The following TTC39B variants were observed in gnomAD, a reference collection of about 807,000 sequenced individuals.
TTC39B encodes the protein tetratricopeptide repeat protein 39B.
Under a neutral mutation model 96.6 loss-of-function variants are expected in TTC39B, and 92 were observed. The ratio of observed to expected loss-of-function variants is 0.95; its 90% CI spans 0.80 to 1.13. The LOEUF (loss-of-function observed/expected upper bound fraction) is 1.13. Ranked by LOEUF, TTC39B falls within the 50% of genes most tolerant of loss-of-function variation. The probability of loss-of-function intolerance (pLI) is 0.00; values close to 1 mark genes in which losing one functional copy is unlikely to be tolerated. For synonymous variants in TTC39B, 367 were observed against 299.4 expected (o/e 1.23, Z -2.33); for missense variants, 955 against 809.3 (o/e 1.18, Z -2.18).
intron 9 of TTC39B, 24 bp from the exon 10 acceptor site, chr9:15,191,279 T>C (rs1818843900): frequency 6.5e-7 from 1 of 1,534,362 alleles, no homozygotes; most frequent in Non-Finnish European, 8.9e-7. Flanking sequence ...ATATACAGTG[T>C]ACTTATGTGT....
At chr9:15,259,421 G>A (rs1255575623) in intron 2 of TTC39B, among the ~76,000 whole-genome samples, 1 of 152,152 alleles carries the variant, frequency 6.6e-6, no homozygotes, top group Non-Finnish European at 1.5e-5. Context: ...GTTAAACATA[G>A]GTTCACCATG....
At chr9:15,235,605 C>G (rs1311418210) in intron 2 of TTC39B, among the ~76,000 whole-genome samples, 1 of 152,128 alleles carries the variant, frequency 6.6e-6, no homozygotes, top group African/African-American at 2.4e-5. Context: ...ATCAGACTAA[C>G]AGCAAACTTC....
intron 2 of TTC39B, among the ~76,000 whole-genome samples, chr9:15,257,426 T>C (rs997826226): frequency 1.3e-5 from 2 of 152,100 alleles, no homozygotes; most frequent in African/African-American, 4.8e-5. Flanking sequence ...CTTTACTTTC[T>C]GTAGATGTTC....
intron 2 of TTC39B, among the ~76,000 whole-genome samples, chr9:15,264,049 AGT>A (rs1314456434): frequency 6.6e-6 from 1 of 152,222 alleles, no homozygotes; most frequent in Non-Finnish European, 1.5e-5. Flanking sequence ...GCCACAGAGA[AGT>A]TCTGGAGGCA....
chr9:15,292,982 T>C (rs991654516), intron 1 of TTC39B, among the ~76,000 whole-genome samples: 13 of 152,222 alleles, frequency 8.5e-5, no homozygotes, highest in African/African-American at 2.9e-4. Flanking sequence ...TGTGTAATAA[T>C]GTCCTAGGCC....
chr9:15,192,298 T>G lies in TTC39B; in HGVS notation c.930+292A>C, dbSNP rs539317433. On this transcript the variant is annotated intron_variant, in intron 9 of 19. Transcript: ENST00000512701. ...AGCCGTCATTGTCATTGCAACAATA[T>G]TTCTGCTGTGGAAATGGAAATGGAT... Among the ~76,000 whole-genome samples, 14 of 152,348 alleles carry G rather than the reference T, an allele frequency of 9.2e-5. No homozygotes were observed. The South Asian group carries it at 2.3e-3, about 25-fold the overall frequency.
chr9:15,229,903 A>C lies in TTC39B; in HGVS notation c.276-3891T>G, dbSNP rs750318636. Among the ~76,000 whole-genome samples, 49 of 152,246 alleles carry C rather than the reference A, an allele frequency of 3.2e-4. 1 individual carries two copies. The highest frequency in any genetic ancestry group is 1.0e-4 in the Non-Finnish European group (7 of 68,046). On this transcript the variant is annotated intron_variant, in intron 2 of 19. Coordinates refer to ENST00000512701, the Ensembl canonical transcript of TTC39B. Reference sequence around the variant, plus strand: ...TATGAATTTCAGAGTTAGTCATTATAATATTACAAGCAAGTCCTGCTGGAG... The same window carrying C: ...TATGAATTTCAGAGTTAGTCATTATCATATTACAAGCAAGTCCTGCTGGAG...
Position 15,303,804 on chromosome 9 carries a change from T to C in TTC39B, c.240+3280A>G, listed in dbSNP as rs144586513. 3.2e-3 allele frequency among the ~76,000 whole-genome samples: 484 copies of C among 151,968 alleles called. 3 individuals carry two copies. Among genetic ancestry groups the C allele is most frequent in the African/African-American group, 0.011 (469 of 41,454 alleles). On this transcript the variant is annotated intron_variant, in intron 1 of 19. Transcript: ENST00000512701. ...CCGCCACCACGCCCAGCTAATTTTT[T>C]TGTTATTTTTAGTAGAGACTGGGTG...
chr9:15,297,629 T>C (rs2131614293), intron 1 of TTC39B, among the ~76,000 whole-genome samples: 1 of 152,306 alleles, frequency 6.6e-6, no homozygotes, highest in South Asian at 2.1e-4. Context: ...ACCCATCATG[T>C]TGCCTTAATT....
At chr9:15,216,485 T>G (rs1411185450) in intron 3 of TTC39B, among the ~76,000 whole-genome samples, 1 of 152,188 alleles carries the variant, frequency 6.6e-6, no homozygotes, top group Non-Finnish European at 1.5e-5. Context: ...AGAGATCATG[T>G]AAGAATGCTA....
chr9:15,225,133 G>A (rs930889707), intron 3 of TTC39B, among the ~76,000 whole-genome samples: 2 of 151,922 alleles, frequency 1.3e-5, no homozygotes, highest in African/African-American at 4.8e-5. Flanking sequence ...AAAATGATCT[G>A]GAAAGGAACA....
At chr9:15,220,660 C>A (rs1185673788) in intron 3 of TTC39B, among the ~76,000 whole-genome samples, 1 of 152,056 alleles carries the variant, frequency 6.6e-6, no homozygotes, top group East Asian at 1.9e-4. Flanking sequence ...AATGGGGAAG[C>A]AGAGTTTTTT....
intron 1 of TTC39B, among the ~76,000 whole-genome samples, chr9:15,271,515 G>A (rs1823351898): frequency 6.6e-6 from 1 of 152,114 alleles, no homozygotes; most frequent in Non-Finnish European, 1.5e-5. Flanking sequence ...CATAAGGAGT[G>A]CGCAACCTAG....
At chr9:15,178,993 A>G (rs1818105658) in intron 17 of TTC39B, among the ~76,000 whole-genome samples, 1 of 152,212 alleles carries the variant, frequency 6.6e-6, no homozygotes, top group African/African-American at 2.4e-5. Context: ...TCTGAAGTAC[A>G]TGAAAGGCAC....
At chr9:15,178,132 G>C (rs1818056708) in intron 17 of TTC39B, among the ~76,000 whole-genome samples, 2 of 152,184 alleles carry the variant, frequency 1.3e-5, no homozygotes, top group South Asian at 4.1e-4. Context: ...GCCTCCCAGA[G>C]TGCTGGGATT....
At chr9:15,181,859 A>G (rs1440082710) in intron 17 of TTC39B, among the ~76,000 whole-genome samples, 2 of 152,186 alleles carry the variant, frequency 1.3e-5, no homozygotes, top group Non-Finnish European at 2.9e-5. Flanking sequence ...TCACCCACTG[A>G]GAGTAACCAT....
chr9:15,240,014 C>G (rs1168882511), intron 2 of TTC39B, among the ~76,000 whole-genome samples: 1 of 152,194 alleles, frequency 6.6e-6, no homozygotes, highest in African/African-American at 2.4e-5. Flanking sequence ...CAACATTTGT[C>G]TTTCTTACTA....
At chr9:15,234,292 C>T (rs1586931190) in intron 2 of TTC39B, among the ~76,000 whole-genome samples, 1 of 148,586 alleles carries the variant, frequency 6.7e-6, no homozygotes, top group African/African-American at 2.5e-5. Flanking sequence ...CCAGCCGCCC[C>T]ATCCGGGAGG....
chr9:15,252,341 T>C (rs1464778340), intron 2 of TTC39B, among the ~76,000 whole-genome samples: 1 of 152,204 alleles, frequency 6.6e-6, no homozygotes, highest in Admixed American at 6.5e-5. Flanking sequence ...AATTACAACA[T>C]ATCCTTTAAG....
Sources: allele counts gnomAD v4.1 joint callset (sites outside exome capture counted in the v4.1 genomes callset), GRCh38; gene constraint gnomAD v4.1.1; transcripts MANE v1.5; gene names NCBI Gene and HGNC (gene_info 2026-07-23, HGNC 2026-07-21).